The following ILDR1 variants were observed in gnomAD, a reference collection of about 807,000 sequenced individuals.
The protein encoded by ILDR1 is immunoglobulin like domain containing receptor 1, also known as immunoglobulin-like domain-containing receptor 1.
Under a neutral mutation model 62.4 loss-of-function variants are expected in ILDR1, and 56 were observed. That is an observed-to-expected ratio of 0.90 (90% CI 0.72 to 1.12). The LOEUF is 1.12. ILDR1 is among the 50% of genes most tolerant of loss of function. ILDR1 has a pLI of 0.00. For synonymous variants in ILDR1, 284 were observed against 277.8 expected, an observed-to-expected ratio of 1.02 and a Z score of -0.22; for missense variants, 736 against 710.6, an observed-to-expected ratio of 1.04 and a Z score of -0.41.
chr3:122,007,122 C>A lies in ILDR1; in HGVS notation c.98G>T (p.Arg33Leu), dbSNP rs371505275. 1.2e-6 allele frequency: 2 copies of A among 1,614,130 alleles called. No individual in the cohort carries two copies. The highest frequency in any genetic ancestry group is 1.3e-5 in the African/African-American group (1 of 75,020). The change falls in exon 2 of 8, where the codon CGC becomes CTC. Residue 33 changes from arginine (R) to leucine (L), a missense_variant. Transcript: ENST00000344209. Reference sequence around the variant, plus strand: ...GATAGAGGCAAACAGGGTGACATAGCGTTCTGTGTGCTGGACCGTCACAAG... The same window carrying A: ...GATAGAGGCAAACAGGGTGACATAGAGTTCTGTGTGCTGGACCGTCACAAG... ...SLLVTVQHTE[R>L]YVTLFASIIL... is the part of the protein sequence containing the mutation.
chr3:122,046,584 A>C, the ILDR1 span, among the ~76,000 whole-genome samples: 7 of 150,006 alleles, frequency 4.7e-5, no homozygotes, highest in Non-Finnish European at 7.4e-5. Context: ...GTCTTTTCAC[A>C]TAGTCCCATA....
chr3:122,043,391 C>T, the ILDR1 span, among the ~76,000 whole-genome samples: 71 of 136,470 alleles, frequency 5.2e-4, no homozygotes, highest in East Asian at 1.9e-3. Flanking sequence ...ATTGACTTGG[C>T]GATGTGGGCT....
chr3:122,046,648 T>C, the ILDR1 span, among the ~76,000 whole-genome samples: 1 of 151,222 alleles, frequency 6.6e-6, no homozygotes, highest in Non-Finnish European at 1.5e-5. Context: ...AAACTTTCCT[T>C]CTCGCTTCAT....
chr3:122,033,629 T>A, the ILDR1 span, among the ~76,000 whole-genome samples: 1 of 152,184 alleles, frequency 6.6e-6, no homozygotes, highest in African/African-American at 2.4e-5. Context: ...ATATTTTGCC[T>A]CTTACGTTTA....
At chr3:122,020,893 T>G (rs1279742402) in intron 1 of ILDR1, among the ~76,000 whole-genome samples, 2 of 152,204 alleles carry the variant, frequency 1.3e-5, no homozygotes, top group African/African-American at 4.8e-5. Flanking sequence ...ATATCAATTT[T>G]CTAGTTTCCC....
At chr3:121,999,838 A>G (rs927552491) in intron 5 of ILDR1, among the ~76,000 whole-genome samples, 2 of 152,144 alleles carry the variant, frequency 1.3e-5, no homozygotes, top group Non-Finnish European at 2.9e-5. Flanking sequence ...GATAATGTCA[A>G]TTACTAGTTT....
At chr3:121,997,550 G>C (rs1240545333) in intron 5 of ILDR1, among the ~76,000 whole-genome samples, 1 of 152,218 alleles carries the variant, frequency 6.6e-6, no homozygotes, top group Non-Finnish European at 1.5e-5. Flanking sequence ...TTGATGAAGA[G>C]GAACCAGCCC....
chr3:121,988,468 T>A, intron 7 of ILDR1, 60 bp from the exon 8 acceptor site: 1 of 1,331,656 alleles, frequency 7.5e-7, no homozygotes, highest in Non-Finnish European at 1.1e-6. Context: ...CGTCTATGCA[T>A]GTAACACATA....
the ILDR1 span, among the ~76,000 whole-genome samples, chr3:122,028,197 G>A: frequency 2.0e-3 from 301 of 151,896 alleles, no homozygotes; most frequent in African/African-American, 4.4e-3. Flanking sequence ...TTAGCTGGGC[G>A]TGGTGGCGGG....
chr3:122,034,594 T>C, the ILDR1 span, among the ~76,000 whole-genome samples: 1 of 152,232 alleles, frequency 6.6e-6, no homozygotes, highest in Non-Finnish European at 1.5e-5. Flanking sequence ...TGGGCTAGTG[T>C]AATACAGTAA....
intron 5 of ILDR1, among the ~76,000 whole-genome samples, chr3:121,994,855 T>C (rs530623792): frequency 2.2e-4 from 34 of 152,272 alleles, no homozygotes; most frequent in African/African-American, 8.2e-4. Context: ...ATGCCAACCC[T>C]GGGTGGAAGA....
At chr3:122,040,078 T>C in the ILDR1 span, among the ~76,000 whole-genome samples, 2 of 151,984 alleles carry the variant, frequency 1.3e-5, no homozygotes, top group African/African-American at 4.8e-5. Context: ...GATACATAAT[T>C]GCCCCCAAGC....
chr3:122,026,459 T>C (rs1414896565), upstream of ILDR1, among the ~76,000 whole-genome samples: 1 of 152,206 alleles, frequency 6.6e-6, no homozygotes, highest in Non-Finnish European at 1.5e-5. Context: ...GGTTTCTGAC[T>C]ATTGACCCTA....
At chr3:122,022,374 G>A (rs1391030642), upstream of ILDR1, 2 of 352,976 alleles carry the variant, frequency 5.7e-6, no homozygotes, top group South Asian at 6.0e-5. Context: ...CCTCCTGCTC[G>A]CTGAAACACC....
At chr3:122,054,663 G>T in the ILDR1 span, among the ~76,000 whole-genome samples, 1 of 151,884 alleles carries the variant, frequency 6.6e-6, no homozygotes, top group African/African-American at 2.4e-5. Flanking sequence ...CATAACTTTT[G>T]CTTTGATACA....
chr3:122,037,793 C>T, the ILDR1 span, among the ~76,000 whole-genome samples: 2 of 152,156 alleles, frequency 1.3e-5, no homozygotes, highest in African/African-American at 4.8e-5. Context: ...CCACCCAAAT[C>T]TCATGTTGAA....
chr3:122,037,517 C>T, the ILDR1 span, among the ~76,000 whole-genome samples: 3 of 152,150 alleles, frequency 2.0e-5, no homozygotes, highest in South Asian at 2.1e-4. Context: ...CCAATTTCTC[C>T]CATTTGGAAT....
At chr3:122,016,149 C>T (rs930404371) in intron 1 of ILDR1, among the ~76,000 whole-genome samples, 1 of 152,230 alleles carries the variant, frequency 6.6e-6, no homozygotes, top group Non-Finnish European at 1.5e-5. Flanking sequence ...ACACACTAAG[C>T]TCCTATCCAG....
the ILDR1 span, among the ~76,000 whole-genome samples, chr3:122,042,241 C>T: frequency 4.0e-3 from 270 of 68,194 alleles, no homozygotes; most frequent in African/African-American, 0.011. Flanking sequence ...ACAAAGGACA[C>T]GAACTCATCA....
Sources: gnomAD v4.1 joint callset for allele counts (sites outside exome capture counted in the v4.1 genomes callset) on GRCh38, gnomAD v4.1.1 for gene constraint, MANE v1.5 for transcripts, NCBI Gene and HGNC (gene_info 2026-07-23, HGNC 2026-07-21) for gene names.